SMOC1: variants seen among roughly 807,000 people sequenced by gnomAD.
SMOC1 encodes the protein SPARC-related modular calcium-binding protein 1.
SMOC1 carries 22 observed loss-of-function variants against 56.3 expected under a neutral mutation model. That is an observed-to-expected ratio of 0.39 (90% CI 0.28 to 0.56). The LOEUF (loss-of-function observed/expected upper bound fraction) is 0.56. SMOC1 is among the 20% of genes least tolerant of loss of function. The pLI, the probability that SMOC1 is intolerant of heterozygous loss-of-function variation, is 0.61. For missense variants in SMOC1, 509 were observed against 565.4 expected, an observed-to-expected ratio of 0.90 and a Z score of 1.01; for synonymous variants, 193 against 215.0, an observed-to-expected ratio of 0.90 and a Z score of 0.89.
chr14:69,963,752 A>C (rs895895082), intron 3 of SMOC1, among the ~76,000 whole-genome samples: 1 of 152,210 alleles, frequency 6.6e-6, no homozygotes, highest in Non-Finnish European at 1.5e-5. Flanking sequence ...GAACAATCTC[A>C]GTTATGCAGT....
At chr14:70,004,965 T>G (rs1885098801) in intron 7 of SMOC1, among the ~76,000 whole-genome samples, 1 of 152,208 alleles carries the variant, frequency 6.6e-6, no homozygotes, top group African/African-American at 2.4e-5. Context: ...CCAAAAAGCT[T>G]ACAGCATAGC....
chr14:70,022,605 G>A (rs1885765964), intron 10 of SMOC1, among the ~76,000 whole-genome samples: 1 of 152,224 alleles, frequency 6.6e-6, no homozygotes, highest in South Asian at 2.1e-4. Flanking sequence ...CCACTGCACT[G>A]GATGTCCAGC....
chr14:69,947,938 G>A (rs114904506), intron 1 of SMOC1, among the ~76,000 whole-genome samples: 112 of 152,256 alleles, frequency 7.4e-4, no homozygotes, highest in African/African-American at 2.7e-3. Flanking sequence ...TCCTCTTATT[G>A]CCTTTATCTT....
At chr14:69,941,017 C>A (rs996594928) in intron 1 of SMOC1, among the ~76,000 whole-genome samples, 24 of 152,166 alleles carry the variant, frequency 1.6e-4, no homozygotes, top group African/African-American at 5.8e-4. Context: ...TGTCGGTGAT[C>A]AAGGAGGACT....
In SMOC1 at chr14:70,023,377, C is replaced by T. The variant is rs1454178443; in HGVS notation, c.1221C>T (p.Tyr407=). 1.9e-6 allele frequency: 3 copies of T among 1,614,070 alleles called. No homozygotes were observed. The Admixed American group carries it at 5.0e-5, about 27-fold the overall frequency. Residue 407 remains tyrosine (Y), a synonymous_variant, in exon 11 of 12, where the codon TAC becomes TAT. Transcript: ENST00000361956. ...AATGTGCCCGGCGTTTCACCGACTACTGTGACCTGAACAAAGACAAGGTCA... is the reference window on the plus strand; with the variant it reads ...AATGTGCCCGGCGTTTCACCGACTATTGTGACCTGAACAAAGACAAGGTCA... ...PKKCARRFTD[Y]CDLNKDKVIS...
chr14:70,011,271 C>T (rs1885326120), intron 8 of SMOC1, among the ~76,000 whole-genome samples: 1 of 152,138 alleles, frequency 6.6e-6, no homozygotes, highest in South Asian at 2.1e-4. Context: ...TGTTATTATG[C>T]TTGAGTGGTT....
At chr14:70,029,643 CAA>C (rs1886065513) in intron 11 of SMOC1, among the ~76,000 whole-genome samples, 1 of 152,208 alleles carries the variant, frequency 6.6e-6, no homozygotes, top group South Asian at 2.1e-4. Flanking sequence ...CAAGGCCACT[CAA>C]TGTCACATGT....
chr14:69,961,501 C>G (rs1883378442), intron 3 of SMOC1, among the ~76,000 whole-genome samples: 2 of 151,740 alleles, frequency 1.3e-5, no homozygotes, highest in Non-Finnish European at 2.9e-5. Context: ...CTACCTCAGC[C>G]TCCTGAGTAG....
At chr14:70,030,212 T>C (rs1886090724) in intron 11 of SMOC1, 30 bp from the exon 12 acceptor site, 2 of 1,600,478 alleles carry the variant, frequency 1.2e-6, no homozygotes, top group Admixed American at 1.8e-5. Flanking sequence ...CTTTTTTTTT[T>C]TTTTTTTGCA....
intron 3 of SMOC1, among the ~76,000 whole-genome samples, chr14:69,963,161 A>G (rs1219399398): frequency 6.6e-6 from 1 of 152,100 alleles, no homozygotes; most frequent in Non-Finnish European, 1.5e-5. Flanking sequence ...GTAATTGGAC[A>G]GTGAGATGAG....
intron 3 of SMOC1, among the ~76,000 whole-genome samples, chr14:69,970,570 A>G (rs1883723435): frequency 6.6e-6 from 1 of 152,224 alleles, no homozygotes; most frequent in East Asian, 1.9e-4. Flanking sequence ...AAGTGAGATA[A>G]TGCATAGACC....
chr14:69,975,831 C>G lies in SMOC1; in HGVS notation c.478+17C>G. The G allele has an allele frequency of 6.3e-7, 1 of 1,577,986 alleles. No homozygotes were observed. The highest frequency in any genetic ancestry group is 1.1e-5 in the South Asian group (1 of 90,192). On this transcript the variant is annotated intron_variant, in intron 4 of 11. Coordinates refer to ENST00000361956, the MANE Select transcript of SMOC1 (RefSeq NM_001034852.3). ...TATGTTCAGGTACCGTAGGGAGGGG[C>G]GGGAAGAATGAAAAGGGTTGGAGAG...
At position 69,977,929 on chromosome 14, in the gene SMOC1, G is replaced by A. The variant is rs181330553; in HGVS notation, c.490G>A (p.Asp164Asn). The stretch of plus-strand genomic sequence containing the variant: ...CCTTCTCACCCAAGGTTCAGTCACC[G>A]ACAAGCCCTTGAGCCAGGGTAACTC... ...KTPVCSGSVT[D>N]KPLSQGNSGR... Residue 164 changes from aspartate (D) to asparagine (N), a missense_variant, in exon 5 of 12, where the codon GAC becomes AAC. Coordinates refer to ENST00000361956, the MANE Select transcript of SMOC1 (RefSeq NM_001034852.3). 70 of 1,613,952 alleles carry A rather than the reference G, an allele frequency of 4.3e-5. No homozygotes were observed. The East Asian group carries it at 9.6e-4, about 22-fold the overall frequency.
chr14:69,891,762 G>A (rs1220309968), intron 1 of SMOC1, among the ~76,000 whole-genome samples: 2 of 152,008 alleles, frequency 1.3e-5, no homozygotes, highest in Admixed American at 1.3e-4. Context: ...ATTCACCGTC[G>A]GTTTAAGATT....
intron 1 of SMOC1, among the ~76,000 whole-genome samples, chr14:69,949,296 G>A (rs1179261249): frequency 6.6e-6 from 1 of 152,144 alleles, no homozygotes; most frequent in African/African-American, 2.4e-5. Context: ...AGCCCGGAAA[G>A]CCAGGCCTGT....
At position 70,013,501 on chromosome 14, in the gene SMOC1, T is replaced by C; in HGVS notation, c.1046+10T>C. On this transcript the variant is annotated intron_variant, in intron 10 of 11. Transcript: ENST00000361956. Reference sequence around the variant, plus strand: ...CCACTGGAGGTGGGAGGTGAGATTGTGAGCAGGAATCAGGCCCAGGAGAAA... The same window carrying C: ...CCACTGGAGGTGGGAGGTGAGATTGCGAGCAGGAATCAGGCCCAGGAGAAA... 6.2e-7 allele frequency: 1 copy of C among 1,612,998 alleles called. No individual in the cohort carries two copies. The highest frequency in any genetic ancestry group is 1.3e-5 in the African/African-American group (1 of 75,026).
rs372398556 is a variant in SMOC1 at position 70,007,467 on chromosome 14, G to A, written c.665-3287G>A. ...ACAAGATTTGTAGCGTGCTTAGGTC[G>A]AGAAGACATCATTGGTCAGAAGGAG... On this transcript the variant is annotated intron_variant, in intron 7 of 11. Transcript: ENST00000361956. Among the ~76,000 whole-genome samples, 19 of 152,350 alleles carry A rather than the reference G, an allele frequency of 1.2e-4. 1 individual carries two copies. The East Asian group carries it at 1.9e-3, about 15-fold the overall frequency.
chr14:70,023,372 G>A lies in SMOC1; in HGVS notation c.1216G>A (p.Asp406Asn), dbSNP rs760870751. Residue 406 changes from aspartate (D) to asparagine (N), a missense_variant, in exon 11 of 12, where the codon GAC becomes AAC. By Grantham distance (23) the Asp-to-Asn change is conservative. Around this residue, in one of 3 missense-constraint regions of SMOC1, gnomAD observed 176 missense variants for 188.1 expected, o/e 0.94. Transcript: ENST00000361956. ...KPKKCARRFT[D>N]YCDLNKDKVI... ...CAAGAAATGTGCCCGGCGTTTCACC[G>A]ACTACTGTGACCTGAACAAAGACAA... is the stretch of plus-strand genomic sequence containing the variant. 15 of 1,614,014 alleles carry A rather than the reference G, an allele frequency of 9.3e-6. No individual in the cohort carries two copies. In the Admixed American group the frequency reaches 1.0e-4, roughly 11 times the overall value.
intron 7 of SMOC1, among the ~76,000 whole-genome samples, chr14:70,007,266 A>T (rs1295540024): frequency 6.6e-6 from 1 of 152,174 alleles, no homozygotes; most frequent in Non-Finnish European, 1.5e-5. Flanking sequence ...AAAGGCTTGT[A>T]ATGAGTTTGA....
Sources: allele counts gnomAD v4.1 joint callset (sites outside exome capture counted in the v4.1 genomes callset), GRCh38; gene constraint gnomAD v4.1.1; regional missense constraint gnomAD v4.1.1; transcripts MANE v1.5; gene names NCBI Gene and HGNC (gene_info 2026-07-23, HGNC 2026-07-21).